LTBP1: variants seen among roughly 807,000 people sequenced by gnomAD.
LTBP1 encodes the protein latent-transforming growth factor beta-binding protein 1.
A neutral mutation model predicts 207.6 loss-of-function variants in LTBP1; 129 were observed. That is an observed-to-expected ratio of 0.62 (90% confidence interval 0.54 to 0.72). The LOEUF is 0.72. Ranked by LOEUF, LTBP1 falls within the 30% of genes least tolerant of loss-of-function variation. The pLI is 0.00. For missense variants in LTBP1, 2,281 were observed against 2,217.2 expected (o/e 1.03, Z -0.58); for synonymous variants, 963 against 833.7 (o/e 1.16, Z -2.67).
At position 33,280,056 on chromosome 2, in the gene LTBP1, A is replaced by G. The variant is rs115189280; in HGVS notation, c.3010A>G (p.Asn1004Asp). Residue 1004 changes from asparagine to aspartate, a missense_variant, in exon 19 of 34, where the codon AAT becomes GAT. Asn to Asp is a conservative substitution (Grantham distance 23, BLOSUM62 1). Around this residue, in one of 3 missense-constraint regions of LTBP1, gnomAD observed 1,671 missense variants for 1,634.8 expected, o/e 1.02. Transcript: ENST00000404816. ...GRCEDIDECL[N>D]PSTCPDEQCV... ...TTTTTCAGATATTGATGAATGTTTG[A>G]ATCCAAGCACTTGTCCAGATGAGCA... The G allele has an allele frequency of 1.7e-4, 269 of 1,614,082 alleles. 3 individuals are homozygous for G. In the African/African-American group the frequency reaches 3.1e-3, roughly 18 times the overall value.
At chr2:33,005,324 A>T (rs763599167) in intron 2 of LTBP1, among the ~76,000 whole-genome samples, 2 of 152,174 alleles carry the variant, frequency 1.3e-5, no homozygotes, top group Non-Finnish European at 2.9e-5. Flanking sequence ...TGGCACACTC[A>T]TATCACTGGC....
At chr2:33,300,980 A>G (rs2093978815) in intron 21 of LTBP1, among the ~76,000 whole-genome samples, 1 of 152,166 alleles carries the variant, frequency 6.6e-6, no homozygotes, top group African/African-American at 2.4e-5. Flanking sequence ...TTTAACGTTG[A>G]AAAATTTTGT....
Position 33,395,676 on chromosome 2 carries a change from T to A in LTBP1, c.4835-1457T>A, listed in dbSNP as rs182024110. 1.4e-3 allele frequency among the ~76,000 whole-genome samples: 206 copies of A among 151,160 alleles called. 1 individual carries two copies. The highest frequency in any genetic ancestry group is 2.5e-3 in the Non-Finnish European group (173 of 67,916). ...TGTTGAAACTTCTTTTTTGTTGTAG[T>A]TAAGAGAAGTAACAAGTAAGTCTTT... is the stretch of plus-strand genomic sequence containing the variant. On this transcript the variant is annotated intron_variant, in intron 32 of 33. Transcript: ENST00000404816.
chr2:33,365,166 G>A (rs1218990893), intron 30 of LTBP1, among the ~76,000 whole-genome samples, 167 bp from the exon 31 acceptor site: 1 of 152,174 alleles, frequency 6.6e-6, no homozygotes, highest in Non-Finnish European at 1.5e-5. Context: ...CCCAGTTGGA[G>A]ATGACAGAGA....
At chr2:33,279,201 T>C (rs2148524442) in intron 18 of LTBP1, among the ~76,000 whole-genome samples, 1 of 152,342 alleles carries the variant, frequency 6.6e-6, no homozygotes, top group South Asian at 2.1e-4. Flanking sequence ...TTATTTCAAA[T>C]GCAGCTAGAA....
chr2:33,294,234 TC>T lies in LTBP1; in HGVS notation c.3235+957del, dbSNP rs1171439221. Among the ~76,000 whole-genome samples the T allele has an allele frequency of 3.9e-5, 6 of 152,042 alleles. No homozygotes were observed. In the East Asian group the frequency reaches 1.2e-3, roughly 29 times the overall value. ...TTTTTTGAGGTGGAGTCTTGCTCTC[TC>T]CCCCAGGCTGGAGTGCTGTGGCATG... On this transcript the variant is annotated intron_variant, in intron 20 of 33. Coordinates refer to ENST00000404816, the MANE Select transcript of LTBP1 (RefSeq NM_206943.4).
At chr2:33,053,718 C>G (rs1291804233) in intron 3 of LTBP1, among the ~76,000 whole-genome samples, 1 of 152,184 alleles carries the variant, frequency 6.6e-6, no homozygotes, top group Non-Finnish European at 1.5e-5. Flanking sequence ...GCTGAGGGCC[C>G]TGGTCCCTCT....
At chr2:33,278,712 T>A (rs1170537297) in intron 18 of LTBP1, among the ~76,000 whole-genome samples, 5 of 152,168 alleles carry the variant, frequency 3.3e-5, no homozygotes, top group African/African-American at 1.2e-4. Context: ...GCAGTTGTAG[T>A]TCTATTTTTT....
chr2:33,136,563 T>A (rs77586650), intron 5 of LTBP1, among the ~76,000 whole-genome samples: 1,593 of 152,268 alleles, frequency 0.01, 12 homozygotes, highest in African/African-American at 0.011. Flanking sequence ...TAGACTATCA[T>A]GAGTCTGATG....
At chr2:32,953,560 G>A (rs181470592) in intron 2 of LTBP1, among the ~76,000 whole-genome samples, 7 of 152,166 alleles carry the variant, frequency 4.6e-5, no homozygotes, top group African/African-American at 9.7e-5. Flanking sequence ...ATGTGTTCTC[G>A]AGACTAGTTA....
At chr2:32,956,533 C>T (rs1163782781) in intron 2 of LTBP1, among the ~76,000 whole-genome samples, 1 of 152,182 alleles carries the variant, frequency 6.6e-6, no homozygotes, top group Admixed American at 6.5e-5. Context: ...TCTTCAGGCT[C>T]CACTTTTAAT....
chr2:33,159,583 C>A (rs2084285086), intron 5 of LTBP1, among the ~76,000 whole-genome samples: 1 of 152,206 alleles, frequency 6.6e-6, no homozygotes, highest in Non-Finnish European at 1.5e-5. Context: ...CCTCCCCAAA[C>A]CTAGTGAAGC....
At chr2:33,103,058 C>T (rs1322335138) in intron 3 of LTBP1, among the ~76,000 whole-genome samples, 1 of 149,736 alleles carries the variant, frequency 6.7e-6, no homozygotes, top group Non-Finnish European at 1.5e-5. Flanking sequence ...GTTGTATGCA[C>T]TGTCTGTATG....
intron 4 of LTBP1, among the ~76,000 whole-genome samples, chr2:33,122,243 G>T (rs1193955710): frequency 6.6e-6 from 1 of 152,126 alleles, no homozygotes; most frequent in African/African-American, 2.4e-5. Flanking sequence ...CCTCTGGTCT[G>T]CTGACCTGCC....
chr2:33,057,884 C>T (rs546072405), intron 3 of LTBP1, among the ~76,000 whole-genome samples: 30 of 152,356 alleles, frequency 2.0e-4, no homozygotes, highest in African/African-American at 3.4e-4. Context: ...CATGGTGCAG[C>T]GGCGGGCTGA....
At chr2:33,374,542 A>G (rs1021758447) in intron 31 of LTBP1, among the ~76,000 whole-genome samples, 12 of 152,220 alleles carry the variant, frequency 7.9e-5, no homozygotes, top group African/African-American at 2.9e-4. Context: ...GGCACAGAGA[A>G]TATCTATAAA....
chr2:33,294,038 C>A (rs2093825787), intron 20 of LTBP1, among the ~76,000 whole-genome samples: 1 of 114,746 alleles, frequency 8.7e-6, no homozygotes, highest in South Asian at 3.1e-4. Flanking sequence ...TGAAGTCTCA[C>A]TGTGTTGCCC....
At chr2:33,300,058 C>T (rs1020675733) in intron 20 of LTBP1, among the ~76,000 whole-genome samples, 7 of 152,214 alleles carry the variant, frequency 4.6e-5, no homozygotes, top group South Asian at 2.1e-4. Flanking sequence ...TTTTGTTTTT[C>T]AAATTCCTAG....
At chr2:33,299,955 CCA>C (rs1246650239) in intron 20 of LTBP1, among the ~76,000 whole-genome samples, 2 of 152,186 alleles carry the variant, frequency 1.3e-5, no homozygotes, top group Non-Finnish European at 2.9e-5. Flanking sequence ...TGAAAATGAG[CCA>C]GAGTTCTTTA....
Sources: allele counts gnomAD v4.1 joint callset (sites outside exome capture counted in the v4.1 genomes callset), GRCh38; gene constraint gnomAD v4.1.1; regional missense constraint gnomAD v4.1.1; transcripts MANE v1.5; gene names NCBI Gene and HGNC (gene_info 2026-07-23, HGNC 2026-07-21).